The following SYTL2 variants were observed in gnomAD, a reference collection of about 807,000 sequenced individuals.
SYTL2 encodes the protein synaptotagmin-like protein 2.
A neutral mutation model predicts 198.7 loss-of-function variants in SYTL2; 165 were observed. The observed-to-expected ratio is 0.83, with a 90% confidence interval of 0.73 to 0.94. The LOEUF (loss-of-function observed/expected upper bound fraction) is 0.94, where lower values mean the gene tolerates loss of function less well. Ranked by LOEUF, SYTL2 falls within the 40% of genes least tolerant of loss-of-function variation. The pLI, the probability that SYTL2 is intolerant of heterozygous loss-of-function variation, is 0.00. For synonymous variants in SYTL2, 966 were observed against 917.7 expected (o/e 1.05, Z -0.95); for missense variants, 2,835 against 2,582.8 (o/e 1.10, Z -2.12).
intron 7 of SYTL2, among the ~76,000 whole-genome samples, chr11:85,731,144 G>C (rs530417821): frequency 1.2e-4 from 18 of 152,310 alleles, no homozygotes; most frequent in African/African-American, 3.8e-4. Flanking sequence ...TCAGTATCAT[G>C]AAAATGGCCA....
the SYTL2 span, among the ~76,000 whole-genome samples, chr11:85,851,178 A>T: frequency 2.3e-4 from 34 of 146,620 alleles, no homozygotes; most frequent in African/African-American, 8.2e-4. Context: ...AAGTATAATA[A>T]AAAAAAAAGA....
chr11:85,729,117 T>C (rs1425003321), intron 7 of SYTL2, among the ~76,000 whole-genome samples: 3 of 152,146 alleles, frequency 2.0e-5, no homozygotes, highest in African/African-American at 4.8e-5. Flanking sequence ...ACAAAGAGAC[T>C]TAGACTCCCA....
chr11:85,793,620 C>T (rs1298860598), intron 1 of SYTL2, among the ~76,000 whole-genome samples: 1 of 152,164 alleles, frequency 6.6e-6, no homozygotes, highest in African/African-American at 2.4e-5. Context: ...TTTGAGATAT[C>T]TCATAACCAA....
chr11:85,745,170 A>T (rs1313926251), intron 4 of SYTL2, among the ~76,000 whole-genome samples: 1 of 152,186 alleles, frequency 6.6e-6, no homozygotes, highest in African/African-American at 2.4e-5. Context: ...TGTCTTGCCC[A>T]TAGTCAAATG....
the SYTL2 span, among the ~76,000 whole-genome samples, chr11:85,851,364 A>C: frequency 2.0e-5 from 3 of 152,058 alleles, no homozygotes; most frequent in Non-Finnish European, 4.4e-5. Context: ...TCGCAAAGGC[A>C]GTAAGTTCAT....
chr11:85,735,131 A>G (rs1298564991), intron 6 of SYTL2, among the ~76,000 whole-genome samples: 1 of 152,242 alleles, frequency 6.6e-6, no homozygotes, highest in Non-Finnish European at 1.5e-5. Flanking sequence ...GAGGGAGGCT[A>G]TGCCTGTGTG....
chr11:85,774,862 C>T (rs975944451), intron 1 of SYTL2, among the ~76,000 whole-genome samples: 1 of 152,166 alleles, frequency 6.6e-6, no homozygotes, highest in Non-Finnish European at 1.5e-5. Context: ...CTGCCTAGAG[C>T]AGTTGAAGAT....
At chr11:85,717,617 AC>A in intron 10 of SYTL2, 87 bp from the exon 11 acceptor site, 1 of 1,056,762 alleles carries the variant, frequency 9.5e-7, no homozygotes, top group Non-Finnish European at 1.5e-6. Context: ...TGTCAGTTTC[AC>A]AACTGAGACA....
At chr11:85,822,005 G>A in the SYTL2 span, among the ~76,000 whole-genome samples, 1 of 151,874 alleles carries the variant, frequency 6.6e-6, no homozygotes, top group South Asian at 2.1e-4. Context: ...AGAGCCCTAG[G>A]TGCTCAAAGA....
chr11:85,827,843 T>C, the SYTL2 span, among the ~76,000 whole-genome samples: 3 of 152,194 alleles, frequency 2.0e-5, no homozygotes, highest in Admixed American at 1.3e-4. Context: ...CAGTGTTAGG[T>C]TGAAGATCTA....
intron 1 of SYTL2, among the ~76,000 whole-genome samples, chr11:85,764,985 A>G (rs1426581400): frequency 6.6e-6 from 1 of 152,204 alleles, no homozygotes; most frequent in Non-Finnish European, 1.5e-5. Flanking sequence ...GGTGGGTAAC[A>G]ATGCTACATG....
Position 85,784,942 on chromosome 11 carries a change from G to A in SYTL2, c.-390+26012C>T, listed in dbSNP as rs543241693. Among the ~76,000 whole-genome samples the A allele has an allele frequency of 4.6e-5, 7 of 152,188 alleles. No homozygotes were observed. In the East Asian group the frequency reaches 1.4e-3, roughly 29 times the overall value. On this transcript the variant is annotated intron_variant, in intron 1 of 19. Transcript: ENST00000359152. Reference sequence around the variant, plus strand: ...TCACTAGTTACTCACACCACAGCCTGTGGCTGCCGGCAGCAACACATCAGC... The same window carrying A: ...TCACTAGTTACTCACACCACAGCCTATGGCTGCCGGCAGCAACACATCAGC...
the SYTL2 span, among the ~76,000 whole-genome samples, chr11:85,835,024 TG>T: frequency 6.6e-6 from 1 of 152,300 alleles, no homozygotes; most frequent in South Asian, 2.1e-4. Context: ...CCTTACAAAG[TG>T]CTGGGATTAC....
intron 3 of SYTL2, among the ~76,000 whole-genome samples, chr11:85,747,312 A>T (rs540151592): frequency 4.6e-4 from 70 of 152,210 alleles, no homozygotes; most frequent in Middle Eastern, 3.4e-3. Flanking sequence ...AAAGACATAA[A>T]AATAATGCCA....
the SYTL2 span, among the ~76,000 whole-genome samples, chr11:85,837,281 G>A: frequency 6.6e-6 from 1 of 152,220 alleles, no homozygotes; most frequent in African/African-American, 2.4e-5. Flanking sequence ...AAGGGTATAA[G>A]AGTGTGGCCC....
At chr11:85,805,399 A>T (rs2092945853) in intron 1 of SYTL2, among the ~76,000 whole-genome samples, 1 of 152,264 alleles carries the variant, frequency 6.6e-6, no homozygotes, top group South Asian at 2.1e-4. Flanking sequence ...GTCTAAAACC[A>T]ACAGTGGTAA....
In SYTL2 at chr11:85,726,546, C is replaced by T. The variant is rs1271651010; in HGVS notation, c.2812G>A (p.Gly938Arg). ...TCCAATGGAGCATGTCGTTCACTCC[C>T]GACATTTGAGGGAGGTTGCAGTGCT... Reference protein sequence around the residue: ...LPALQPPSNVGSERHAPLEKD... With the variant: ...LPALQPPSNVRSERHAPLEKD... Residue 938 changes from glycine (G) to arginine (R), a missense_variant, in exon 8 of 20, where the codon GGG becomes AGG. Physicochemically the swap from Gly to Arg is moderately radical, Grantham distance 125 (BLOSUM62 -2). Around this residue, in one of 3 missense-constraint regions of SYTL2, gnomAD observed 2,645 missense variants for 2,381.7 expected, o/e 1.11. Coordinates refer to ENST00000359152, the MANE Select transcript of SYTL2 (RefSeq NM_206927.4). 5.6e-6 allele frequency: 9 copies of T among 1,599,168 alleles called. No homozygotes were observed. Among genetic ancestry groups the T allele is most frequent in the Admixed American group, 1.7e-5 (1 of 59,682 alleles).
At chr11:85,751,019 CT>C (rs2091479787) in intron 2 of SYTL2, among the ~76,000 whole-genome samples, 1 of 145,982 alleles carries the variant, frequency 6.9e-6, no homozygotes, top group Non-Finnish European at 1.5e-5. Context: ...AAATGACTGT[CT>C]GTAAGCCCAC....
At chr11:85,793,833 T>A (rs900705988) in intron 1 of SYTL2, among the ~76,000 whole-genome samples, 2 of 152,252 alleles carry the variant, frequency 1.3e-5, no homozygotes, top group African/African-American at 4.8e-5. Context: ...GCAATTGCAT[T>A]TCCACATTGT....
Sources: gnomAD v4.1 joint callset for allele counts (sites outside exome capture counted in the v4.1 genomes callset) on GRCh38, gnomAD v4.1.1 for gene constraint, gnomAD v4.1.1 regional missense constraint, MANE v1.5 for transcripts, NCBI Gene and HGNC (gene_info 2026-07-23, HGNC 2026-07-21) for gene names.